The following CACNA1E variants were observed in gnomAD, a reference collection of about 807,000 sequenced individuals.
The protein encoded by CACNA1E is calcium voltage-gated channel subunit alpha1 E.
In CACNA1E, 40 loss-of-function variants were observed where a neutral mutation model predicts 259.2. That is an observed-to-expected ratio of 0.15 (90% CI 0.12 to 0.20). The LOEUF (loss-of-function observed/expected upper bound fraction) is 0.20, where lower values mean the gene tolerates loss of function less well. CACNA1E is among the 10% of genes least tolerant of loss of function. The pLI is 1.00. For missense variants in CACNA1E, 1,874 were observed against 3,040.1 expected (o/e 0.62, Z 9.02); for synonymous variants, 1,104 against 1,138.5 (o/e 0.97, Z 0.61).
At position 181,715,322 on chromosome 1, in the gene CACNA1E, A is replaced by G. The variant is rs1325528505; in HGVS notation, c.1172-16A>G. 3 of 1,547,474 alleles carry G rather than the reference A, an allele frequency of 1.9e-6. No homozygotes were observed. The highest frequency in any genetic ancestry group is 2.3e-5 in the South Asian group (2 of 87,282). On this transcript the variant is annotated splice_polypyrimidine_tract_variant and intron_variant, in intron 8 of 47. Coordinates refer to ENST00000367573, the MANE Select transcript of CACNA1E (RefSeq NM_001205293.3). Reference sequence around the variant, plus strand: ...GCATTTACAGATAATTTACCAAACCATTTGTTTCCATATAGAGGAAGTCAT... The same window carrying G: ...GCATTTACAGATAATTTACCAAACCGTTTGTTTCCATATAGAGGAAGTCAT...
intron 2 of CACNA1E, among the ~76,000 whole-genome samples, chr1:181,417,661 C>G (rs1306617884): frequency 1.3e-5 from 2 of 152,190 alleles, no homozygotes; most frequent in African/African-American, 4.8e-5. Flanking sequence ...TTTCCCTTTT[C>G]TATTCACTCT....
intron 3 of CACNA1E, among the ~76,000 whole-genome samples, chr1:181,517,932 C>T (rs1286025300): frequency 2.0e-5 from 3 of 152,056 alleles, no homozygotes; most frequent in Non-Finnish European, 4.4e-5. Context: ...AGGCCCCCAG[C>T]CCAATTTGAA....
intron 7 of CACNA1E, among the ~76,000 whole-genome samples, chr1:181,683,629 C>T (rs1453329781): frequency 1.3e-5 from 2 of 152,130 alleles, no homozygotes; most frequent in African/African-American, 4.8e-5. Flanking sequence ...CTATTGTTAA[C>T]CTATTTCTGT....
At chr1:181,576,212 A>T (rs1572259258) in intron 3 of CACNA1E, among the ~76,000 whole-genome samples, 1 of 152,186 alleles carries the variant, frequency 6.6e-6, no homozygotes, top group Admixed American at 6.5e-5. Context: ...GGTAGTATGA[A>T]CGTAGACTCA....
chr1:181,436,928 A>G (rs1194581621), intron 2 of CACNA1E, among the ~76,000 whole-genome samples: 4 of 152,218 alleles, frequency 2.6e-5, no homozygotes, highest in Non-Finnish European at 5.9e-5. Context: ...ATCATGTAAA[A>G]TCTACAATTT....
At position 181,799,555 on chromosome 1, in the gene CACNA1E, T is replaced by G. The variant is rs1662117983; in HGVS notation, c.*721T>G. Reference sequence around the variant, plus strand: ...GCTGGGGGGTATAGCCCCCCATCCTTGAGGCCTGTCACCCACACAGTAGGT... The same window carrying G: ...GCTGGGGGGTATAGCCCCCCATCCTGGAGGCCTGTCACCCACACAGTAGGT... On this transcript the variant is annotated 3_prime_UTR_variant, in exon 48 of 48. Transcript: ENST00000367573. The G allele has an allele frequency of 6.5e-6, 1 of 152,686 alleles. No individual in the cohort carries two copies. The highest frequency in any genetic ancestry group is 1.9e-4 in the East Asian group (1 of 5,188). 9.5% of individuals were successfully genotyped at this position (152,686 alleles called of 1,614,324 possible).
intron 2 of CACNA1E, among the ~76,000 whole-genome samples, chr1:181,416,618 C>A (rs557469570): frequency 8.5e-5 from 13 of 152,198 alleles, no homozygotes; most frequent in Non-Finnish European, 1.6e-4. Context: ...AGCCTCCCCC[C>A]AGGAATGCGG....
At chr1:181,491,618 T>G (rs537085692) in intron 1 of CACNA1E, among the ~76,000 whole-genome samples, 1 of 152,304 alleles carries the variant, frequency 6.6e-6, no homozygotes, top group South Asian at 2.1e-4. Context: ...AGCTTATGCT[T>G]TGGGTTTGGA....
chr1:181,381,551 A>G (rs1397927340), intron 1 of CACNA1E, among the ~76,000 whole-genome samples: 1 of 152,174 alleles, frequency 6.6e-6, no homozygotes, highest in African/African-American at 2.4e-5. Context: ...CATACAAAGA[A>G]GTTTTTTGGG....
At chr1:181,695,194 A>T (rs1446396200) in intron 7 of CACNA1E, among the ~76,000 whole-genome samples, 2 of 152,244 alleles carry the variant, frequency 1.3e-5, no homozygotes, top group Non-Finnish European at 2.9e-5. Flanking sequence ...AGACCTTTCT[A>T]CTGAAAACTA....
rs766557860 is a variant in CACNA1E, at chr1:181,483,973, A to G, written c.229A>G (p.Ile77Val). 5 of 1,613,656 alleles carry G rather than the reference A, an allele frequency of 3.1e-6. No individual in the cohort carries two copies. In the Admixed American group the frequency reaches 6.7e-5, roughly 22 times the overall value. Residue 77 changes from isoleucine to valine, a missense_variant, in exon 1 of 48, where the codon ATT becomes GTT. Ile to Val is a conservative substitution (Grantham distance 29). Coordinates refer to ENST00000367573, the MANE Select transcript of CACNA1E (RefSeq NM_001205293.3). The part of the protein sequence containing the change: ...RSLFIFGEDN[I>V]VRKYAKKLID... ...CCTGTTCATCTTCGGAGAAGATAAC[A>G]TTGTCAGGAAATATGCCAAGAAGCT...
rs117951430 is a variant in CACNA1E at position 181,326,939 on chromosome 1, C to T, written c.-15+8816C>T. ...ACCTGACCTGCCCTCACCCACCCCACGTGGGCCTGGCTCTCAGTTGCTCAT... is the reference window on the plus strand; with the variant it reads ...ACCTGACCTGCCCTCACCCACCCCATGTGGGCCTGGCTCTCAGTTGCTCAT... On this transcript the variant is annotated intron_variant, in intron 1 of 11. Transcript: ENST00000524607. Among the ~76,000 whole-genome samples, 34 of 152,296 alleles carry T rather than the reference C, an allele frequency of 2.2e-4. No individual in the cohort carries two copies. In the East Asian group the frequency reaches 5.4e-3, roughly 24 times the overall value.
rs562332556 is a variant in CACNA1E, at chr1:181,439,461, G to T, written c.434+25881G>T. 1.8e-4 allele frequency among the ~76,000 whole-genome samples: 27 copies of T among 151,772 alleles called. 1 individual carries two copies. Among genetic ancestry groups the T allele is most frequent in the Middle Eastern group, 3.4e-3 (1 of 294 alleles). On this transcript the variant is annotated intron_variant, in intron 2 of 11. Coordinates refer to the CACNA1E transcript ENST00000524607. ...TTCTGCTCCCAAATTGCTCCGAGTT[G>T]CTTGTGGTGTGAAACCGGTATACAC...
At chr1:181,627,126 C>T (rs748799098) in intron 6 of CACNA1E, among the ~76,000 whole-genome samples, 17 of 152,170 alleles carry the variant, frequency 1.1e-4, no homozygotes, top group Non-Finnish European at 1.9e-4. Context: ...ATGATAGATA[C>T]TCTAGCAAGA....
chr1:181,764,740 G>C (rs1049989370), intron 34 of CACNA1E, among the ~76,000 whole-genome samples: 4 of 152,136 alleles, frequency 2.6e-5, no homozygotes, highest in Non-Finnish European at 4.4e-5. Context: ...TGAGTCTCAG[G>C]TGATTTTGGA....
intron 43 of CACNA1E, among the ~76,000 whole-genome samples, 197 bp downstream of exon 43, chr1:181,786,016 C>T (rs960875222): frequency 1.1e-4 from 17 of 152,230 alleles, no homozygotes; most frequent in African/African-American, 4.1e-4. Context: ...ATACTTAGCA[C>T]TGTGGTCAAC....
intron 35 of CACNA1E, among the ~76,000 whole-genome samples, chr1:181,768,192 A>G (rs1002427004): frequency 6.6e-6 from 1 of 152,198 alleles, no homozygotes. Flanking sequence ...CACCATCTCC[A>G]GTACTGATCT....
intron 1 of CACNA1E, among the ~76,000 whole-genome samples, chr1:181,508,679 C>T (rs1441440991): frequency 6.6e-6 from 1 of 152,102 alleles, no homozygotes; most frequent in African/African-American, 2.4e-5. Context: ...CCTTGGCAGG[C>T]TGTATGTTGG....
chr1:181,769,626 G>A (rs1365005129), intron 35 of CACNA1E, among the ~76,000 whole-genome samples: 1 of 151,988 alleles, frequency 6.6e-6, no homozygotes, highest in Non-Finnish European at 1.5e-5. Context: ...TTGGTTTCTT[G>A]GACTATTACA....
Sources: gnomAD v4.1 joint callset for allele counts (sites outside exome capture counted in the v4.1 genomes callset) on GRCh38, gnomAD v4.1.1 for gene constraint, MANE v1.5 for transcripts, NCBI Gene and HGNC (gene_info 2026-07-23, HGNC 2026-07-21) for gene names.